The following NKAIN3 variants were observed in gnomAD, a reference collection of about 807,000 sequenced individuals.
NKAIN3 encodes sodium/potassium-transporting ATPase subunit beta-1-interacting protein 3.
A neutral mutation model predicts 30.2 loss-of-function variants in NKAIN3; 25 were observed. That is an observed-to-expected ratio of 0.83 (90% confidence interval 0.60 to 1.16). The LOEUF (loss-of-function observed/expected upper bound fraction) is 1.16, where lower values mean the gene tolerates loss of function less well. NKAIN3 is among the 50% of genes most tolerant of loss of function. NKAIN3 has a pLI of 0.00. For synonymous variants in NKAIN3, 91 were observed against 89.6 expected (o/e 1.02, Z -0.09); for missense variants, 225 against 254.1 (o/e 0.89, Z 0.78).
chr8:62,945,058 A>G (rs1428468447), intron 5 of NKAIN3, among the ~76,000 whole-genome samples: 2 of 152,186 alleles, frequency 1.3e-5, no homozygotes, highest in African/African-American at 4.8e-5. Flanking sequence ...ACACTGTTCC[A>G]GGTTTGGGGG....
chr8:62,912,719 G>A (rs1002568803), intron 4 of NKAIN3, among the ~76,000 whole-genome samples: 11 of 152,072 alleles, frequency 7.2e-5, no homozygotes, highest in African/African-American at 2.7e-4. Flanking sequence ...AGATCAGCCT[G>A]ACCAACATAG....
chr8:62,395,436 A>C (rs538116566), intron 1 of NKAIN3, among the ~76,000 whole-genome samples: 1 of 152,328 alleles, frequency 6.6e-6, no homozygotes, highest in South Asian at 2.1e-4. Context: ...GAGGCACTCT[A>C]TTTGGTAATA....
chr8:62,984,925 C>T (rs1182451066), downstream of NKAIN3: 1 of 152,164 alleles, frequency 6.6e-6, no homozygotes, highest in Non-Finnish European at 1.5e-5. Context: ...GTTTTTAATA[C>T]ATTTTCTCAC....
At chr8:62,851,469 C>T (rs565439657) in intron 4 of NKAIN3, among the ~76,000 whole-genome samples, 4 of 152,216 alleles carry the variant, frequency 2.6e-5, no homozygotes, top group African/African-American at 9.6e-5. Flanking sequence ...GCCTGATTGC[C>T]CTGGCCAGAA....
intron 1 of NKAIN3, among the ~76,000 whole-genome samples, chr8:62,340,874 A>G (rs1211322451): frequency 6.6e-6 from 1 of 151,292 alleles, no homozygotes; most frequent in African/African-American, 2.4e-5. Flanking sequence ...GGGGAGCCTA[A>G]TGAAAGTTTG....
intron 2 of NKAIN3, among the ~76,000 whole-genome samples, chr8:62,589,251 A>G (rs1354815322): frequency 1.3e-5 from 2 of 151,806 alleles, no homozygotes; most frequent in African/African-American, 4.8e-5. Context: ...CCAACAAACG[A>G]AAGTTTGTTA....
At chr8:62,516,673 A>G (rs1585896003) in intron 1 of NKAIN3, among the ~76,000 whole-genome samples, 2 of 152,086 alleles carry the variant, frequency 1.3e-5, no homozygotes, top group African/African-American at 4.8e-5. Context: ...AAGACCTTTA[A>G]CAGAGTTTTT....
chr8:62,442,707 A>G (rs1227535168), intron 1 of NKAIN3, among the ~76,000 whole-genome samples: 2 of 151,636 alleles, frequency 1.3e-5, no homozygotes, highest in Admixed American at 6.6e-5. Flanking sequence ...TGATAGATCC[A>G]TTGAAAGCTG....
At chr8:62,957,139 CTT>C (rs11345608) in intron 6 of NKAIN3, among the ~76,000 whole-genome samples, 64 of 149,182 alleles carry the variant, frequency 4.3e-4, no homozygotes, top group African/African-American at 7.4e-4. Context: ...TTATAGCAGC[CTT>C]TTTTTTTTTT....
intron 3 of NKAIN3, among the ~76,000 whole-genome samples, chr8:62,642,497 G>A (rs1216480579): frequency 6.6e-6 from 1 of 151,998 alleles, no homozygotes; most frequent in East Asian, 1.9e-4. Flanking sequence ...GTTCTCAAAG[G>A]ACAGCCTCAT....
chr8:62,410,200 T>C (rs780398172), intron 1 of NKAIN3, among the ~76,000 whole-genome samples: 5 of 152,156 alleles, frequency 3.3e-5, no homozygotes, highest in Non-Finnish European at 7.3e-5. Flanking sequence ...GAATGTGTGG[T>C]ATTTGGCTTT....
intron 4 of NKAIN3, among the ~76,000 whole-genome samples, chr8:62,915,571 A>G (rs1379068267): frequency 6.6e-6 from 1 of 152,196 alleles, no homozygotes; most frequent in East Asian, 1.9e-4. Flanking sequence ...GTTTTAAGTC[A>G]CTAAGTTTGC....
intron 1 of NKAIN3, among the ~76,000 whole-genome samples, chr8:62,523,321 A>C (rs766184375): frequency 6.6e-6 from 1 of 152,142 alleles, no homozygotes; most frequent in South Asian, 2.1e-4. Context: ...GAAACTGTCT[A>C]ATAACACATT....
intron 3 of NKAIN3, among the ~76,000 whole-genome samples, chr8:62,705,434 C>T (rs888433648): frequency 2.0e-5 from 3 of 152,126 alleles, no homozygotes; most frequent in African/African-American, 4.8e-5. Context: ...TCCGGGGAAG[C>T]GGGGCTCTTT....
At chr8:62,841,002 C>T (rs1268608636) in intron 4 of NKAIN3, among the ~76,000 whole-genome samples, 3 of 152,060 alleles carry the variant, frequency 2.0e-5, no homozygotes, top group African/African-American at 7.2e-5. Context: ...TCTACTGCAG[C>T]CAGGTCTTTG....
intron 1 of NKAIN3, among the ~76,000 whole-genome samples, chr8:62,549,342 G>A (rs1457872661): frequency 2.6e-5 from 4 of 152,010 alleles, no homozygotes; most frequent in African/African-American, 7.2e-5. Context: ...TTGGGGGATC[G>A]GAGGGGGGCC....
At chr8:62,546,907 G>A (rs1809032905) in intron 1 of NKAIN3, among the ~76,000 whole-genome samples, 1 of 152,174 alleles carries the variant, frequency 6.6e-6, no homozygotes, top group Admixed American at 6.5e-5. Flanking sequence ...TGCCAAGGTA[G>A]CATATGGTTT....
At chr8:62,955,459 A>G (rs565070478) in intron 6 of NKAIN3, among the ~76,000 whole-genome samples, 1 of 152,300 alleles carries the variant, frequency 6.6e-6, no homozygotes, top group East Asian at 1.9e-4. Flanking sequence ...GACAATGCCT[A>G]GTGGTGACTT....
chr8:62,848,875 G>T (rs1376940156), intron 4 of NKAIN3, among the ~76,000 whole-genome samples: 1 of 152,084 alleles, frequency 6.6e-6, no homozygotes, highest in African/African-American at 2.4e-5. Flanking sequence ...AATATGAAGG[G>T]ATGTTAAATT....
Sources: allele counts gnomAD v4.1 joint callset (sites outside exome capture counted in the v4.1 genomes callset), GRCh38; gene constraint gnomAD v4.1.1; transcripts MANE v1.5; gene names NCBI Gene and HGNC (gene_info 2026-07-23, HGNC 2026-07-21).